The following ERG variants were observed in gnomAD, a reference collection of about 807,000 sequenced individuals.
ERG encodes ETS transcription factor ERG.
ERG carries 9 observed loss-of-function variants against 55.3 expected under a neutral mutation model. The observed-to-expected ratio is 0.16, with a 90% CI of 0.10 to 0.28. ERG has a LOEUF of 0.28. ERG is among the 10% of genes least tolerant of loss of function. The pLI is 1.00. For synonymous variants in ERG, 223 were observed against 237.3 expected (o/e 0.94, Z 0.55); for missense variants, 434 against 631.6 (o/e 0.69, Z 3.35).
At chr21:38,428,303 C>T (rs1005790282) in intron 2 of ERG, among the ~76,000 whole-genome samples, 1 of 152,130 alleles carries the variant, frequency 6.6e-6, no homozygotes, top group African/African-American at 2.4e-5. Context: ...AAGAAAAGAT[C>T]CACACTGCAC....
intron 3 of ERG, among the ~76,000 whole-genome samples, chr21:38,405,007 G>T (rs758499675): frequency 6.6e-6 from 1 of 151,802 alleles, no homozygotes; most frequent in African/African-American, 2.4e-5. Flanking sequence ...TCCTTCCTTC[G>T]CTTCTCCCTC....
chr21:38,381,497 C>T lies in ERG; in HGVS notation c.*1906G>A. ...CCCAGGTAACTCTGATGTAGCAGGA[C>T]TAAAGCTGTCTACCTAGTGAGAGCT... On this transcript the variant is annotated 3_prime_UTR_variant, in exon 10 of 10. Transcript: ENST00000288319. The T allele has an allele frequency of 9.4e-7, 1 of 1,063,780 alleles. No homozygotes were observed. The highest frequency in any genetic ancestry group is 1.1e-6 in the Non-Finnish European group (1 of 878,356). 65.9% of individuals were successfully genotyped at this position (1,063,780 alleles called of 1,614,324 possible).
chr21:38,542,573 C>T (rs2059760683), intron 2 of ERG, among the ~76,000 whole-genome samples: 1 of 152,122 alleles, frequency 6.6e-6, no homozygotes, highest in Non-Finnish European at 1.5e-5. Flanking sequence ...TAATGTGTTC[C>T]TGATGTTTCT....
At chr21:38,623,454 A>G (rs1306634135) in intron 1 of ERG, among the ~76,000 whole-genome samples, 1 of 152,236 alleles carries the variant, frequency 6.6e-6, no homozygotes, top group African/African-American at 2.4e-5. Context: ...CATGGAGCAG[A>G]CTGGCCAAAT....
rs1987524111 is a variant in ERG at position 38,383,161 on chromosome 21, C to T, written c.*242G>A. 2 of 1,221,050 alleles carry T rather than the reference C, an allele frequency of 1.6e-6. No individual in the cohort carries two copies. Among genetic ancestry groups the T allele is most frequent in the South Asian group, 3.9e-5 (1 of 25,746 alleles). 75.6% of individuals were successfully genotyped at this position (1,221,050 alleles called of 1,614,324 possible). ...ATGCTTCTACATACACTGTCTTTTA[C>T]AAGGTCAGTCCACAGATGATATGTC... On this transcript the variant is annotated 3_prime_UTR_variant, in exon 10 of 10. Transcript: ENST00000288319. This position sits in a 1 kb window ranked among gnomAD's most constrained non-coding sequence, Gnocchi z 5.7.
chr21:38,636,048 G>T (rs1201388421), intron 1 of ERG, among the ~76,000 whole-genome samples: 2 of 104,576 alleles, frequency 1.9e-5, no homozygotes, highest in Non-Finnish European at 4.3e-5. Context: ...AATCATGGGG[G>T]TGGTACCCTC....
intron 1 of ERG, among the ~76,000 whole-genome samples, chr21:38,578,110 T>C (rs577998530): frequency 1.3e-5 from 2 of 151,992 alleles, no homozygotes; most frequent in African/African-American, 2.4e-5. Context: ...CGGGAGGGAG[T>C]TGTCCTGGAC....
intron 1 of ERG, among the ~76,000 whole-genome samples, chr21:38,617,862 T>C (rs1368064957): frequency 6.6e-6 from 1 of 152,174 alleles, no homozygotes; most frequent in Non-Finnish European, 1.5e-5. Flanking sequence ...CTAAATGGAA[T>C]CTGTCTCTGG....
At chr21:38,661,079 G>A (rs903143665) in intron 1 of ERG, among the ~76,000 whole-genome samples, 1 of 151,704 alleles carries the variant, frequency 6.6e-6, no homozygotes, top group Admixed American at 6.6e-5. Flanking sequence ...GGCCGGAGGA[G>A]AGAGTCCGGC....
intron 1 of ERG, among the ~76,000 whole-genome samples, chr21:38,583,331 G>A (rs1170941823): frequency 6.6e-6 from 1 of 152,172 alleles, no homozygotes; most frequent in Admixed American, 6.5e-5. Flanking sequence ...TCCCTCTCAG[G>A]CTCATGCAAG....
At chr21:38,535,128 T>C (rs912829897) in intron 2 of ERG, among the ~76,000 whole-genome samples, 17 of 151,382 alleles carry the variant, frequency 1.1e-4, no homozygotes, top group African/African-American at 3.6e-4. Flanking sequence ...TCCCCCAACA[T>C]ACACCATAGA....
At chr21:38,400,230 T>C (rs1040637555) in intron 6 of ERG, 2 of 449,122 alleles carry the variant, frequency 4.5e-6, no homozygotes, top group Admixed American at 6.6e-5. Flanking sequence ...CTGGGGAGTG[T>C]CCTTGTTTTG....
chr21:38,558,024 T>C (rs2059868599), intron 2 of ERG, among the ~76,000 whole-genome samples: 2 of 151,978 alleles, frequency 1.3e-5, no homozygotes, highest in African/African-American at 4.8e-5. Context: ...CATCTTTTGC[T>C]TTTTTTCTTT....
intron 1 of ERG, among the ~76,000 whole-genome samples, chr21:38,633,193 A>G (rs2060367514): frequency 6.6e-6 from 1 of 152,234 alleles, no homozygotes; most frequent in African/African-American, 2.4e-5. Flanking sequence ...TCATGGAAAC[A>G]GAAAATAGAA....
intron 2 of ERG, among the ~76,000 whole-genome samples, chr21:38,546,867 C>G (rs2059791291): frequency 6.6e-6 from 1 of 152,202 alleles, no homozygotes; most frequent in Admixed American, 6.5e-5. Flanking sequence ...TCGTTGACCT[C>G]CCTCAGCTGA....
chr21:38,428,427 C>A lies in ERG; in HGVS notation c.237-4866G>T, dbSNP rs182998888. ...AGCTTGGTATGTCACCTGCACCAAG[C>A]GCTGCCCAGCATAGAGGACCACGTG... is the stretch of plus-strand genomic sequence containing the variant. On this transcript the variant is annotated intron_variant, in intron 2 of 9. Coordinates refer to ENST00000288319, the MANE Select transcript of ERG (RefSeq NM_182918.4). Among the ~76,000 whole-genome samples, 5 of 152,290 alleles carry A rather than the reference C, an allele frequency of 3.3e-5. No homozygotes were observed. In the East Asian group the frequency reaches 9.6e-4, roughly 29 times the overall value.
chr21:38,485,252 T>TA (rs34620992), intron 1 of ERG, among the ~76,000 whole-genome samples: 14 of 150,272 alleles, frequency 9.3e-5, no homozygotes, highest in Non-Finnish European at 1.6e-4. Context: ...TTTAGAAAGT[T>TA]AAAAAAAAAA....
At chr21:38,400,553 C>T (rs267606125) in intron 6 of ERG, 21 bp downstream of exon 6, 3 of 1,585,410 alleles carry the variant, frequency 1.9e-6, no homozygotes, top group East Asian at 4.5e-5. Context: ...ATGAAGAGAT[C>T]ACACAGGGGT....
chr21:38,585,055 T>C (rs565465793), upstream of ERG: 1 of 152,246 alleles, frequency 6.6e-6, no homozygotes, highest in Non-Finnish European at 1.5e-5. Flanking sequence ...TATTTTAAAA[T>C]ATCCTAAAAG....
Sources: allele counts gnomAD v4.1 joint callset (sites outside exome capture counted in the v4.1 genomes callset), GRCh38; gene constraint gnomAD v4.1.1; non-coding constraint Gnocchi (gnomAD v3.1); transcripts MANE v1.5; gene names NCBI Gene and HGNC (gene_info 2026-07-23, HGNC 2026-07-21).